The following SNRPN variants were observed in gnomAD, a reference collection of about 807,000 sequenced individuals.
SNRPN encodes small nuclear ribonucleoprotein-associated protein N.
A neutral mutation model predicts 25.2 loss-of-function variants in SNRPN; 7 were observed. The observed-to-expected ratio is 0.28, with a 90% CI of 0.16 to 0.52. SNRPN has a LOEUF of 0.52. SNRPN is among the 20% of genes least tolerant of loss of function. SNRPN has a pLI of 0.96. For missense variants in SNRPN, 196 were observed against 322.5 expected (o/e 0.61, Z 3.00); for synonymous variants, 124 against 110.6 (o/e 1.12, Z -0.76).
At chr15:24,928,566 T>C (rs1374303089) in intron 3 of SNRPN, among the ~76,000 whole-genome samples, 1 of 148,892 alleles carries the variant, frequency 6.7e-6, no homozygotes, top group African/African-American at 2.4e-5. Context: ...ATGGTCAGTA[T>C]CAAAAAAAAT....
intron 2 of SNRPN, among the ~76,000 whole-genome samples, chr15:24,962,427 C>G (rs376487577): frequency 6.6e-6 from 1 of 152,130 alleles, no homozygotes; most frequent in African/African-American, 2.4e-5. Context: ...TTTTCCTATA[C>G]GTGGGTAAGT....
intron 3 of SNRPN, among the ~76,000 whole-genome samples, chr15:24,936,892 A>G (rs746291102): frequency 6.6e-6 from 1 of 152,180 alleles, no homozygotes; most frequent in Non-Finnish European, 1.5e-5. Context: ...ACTTATTTTC[A>G]GTTATCAATG....
At chr15:24,911,204 G>C in intron 2 of SNRPN, 1 of 471,446 alleles carries the variant, frequency 2.1e-6, no homozygotes, top group Non-Finnish European at 3.6e-6. Flanking sequence ...TAAAGATTTG[G>C]AAAATTAACA....
intron 3 of SNRPN, chr15:24,968,773 T>C (rs1403368347): frequency 6.6e-6 from 1 of 152,218 alleles, no homozygotes; most frequent in Non-Finnish European, 1.5e-5. Context: ...TTAACCAATG[T>C]ATTTCCTCTT....
intron 1 of SNRPN, among the ~76,000 whole-genome samples, chr15:24,880,825 C>T (rs868463336): frequency 6.6e-6 from 1 of 151,976 alleles, no homozygotes; most frequent in African/African-American, 2.4e-5. Flanking sequence ...CTCACTGCAA[C>T]CTCTGTCATC....
chr15:24,978,515 G>C lies in SNRPN; in HGVS notation c.*71G>C. The C allele has an allele frequency of 7.2e-7, 1 of 1,386,030 alleles. No homozygotes were observed. The highest frequency in any genetic ancestry group is 1.0e-6 in the Non-Finnish European group (1 of 975,790). The allele number at this position is 1,386,030 out of a possible 1,614,324, so 85.9% of individuals were successfully genotyped here. On this transcript the variant is annotated 3_prime_UTR_variant, in exon 10 of 10. Coordinates refer to ENST00000390687, the MANE Select transcript of SNRPN (RefSeq NM_003097.6). Reference sequence around the variant, plus strand: ...TTGTGAAATTGTGTAGAGTGTTTGTGAGCTTTTTGTTCCCTCATTCTGCAT... The same window carrying C: ...TTGTGAAATTGTGTAGAGTGTTTGTCAGCTTTTTGTTCCCTCATTCTGCAT...
chr15:24,832,827 CG>C (rs1307027863), intron 2 of SNRPN, among the ~76,000 whole-genome samples: 1 of 151,866 alleles, frequency 6.6e-6, no homozygotes, highest in Non-Finnish European at 1.5e-5. Context: ...TGATGGAGGC[CG>C]GGCGCGGTGG....
intron 1 of SNRPN, among the ~76,000 whole-genome samples, chr15:24,864,047 G>A (rs1482638109): frequency 7.0e-6 from 1 of 141,942 alleles, no homozygotes; most frequent in Non-Finnish European, 1.5e-5. Flanking sequence ...TTTTTTTGGA[G>A]AGGGAGTCTC....
intron 3 of SNRPN, among the ~76,000 whole-genome samples, chr15:24,925,668 C>T (rs1174477742): frequency 1.3e-5 from 2 of 152,054 alleles, no homozygotes; most frequent in African/African-American, 4.8e-5. Flanking sequence ...TCACTACAGC[C>T]TCAATCTCCA....
intron 3 of SNRPN, among the ~76,000 whole-genome samples, chr15:24,949,573 C>G (rs1201008947): frequency 6.6e-6 from 1 of 152,096 alleles, no homozygotes; most frequent in Non-Finnish European, 1.5e-5. Context: ...ATTACTTGAG[C>G]CCAGGAGATG....
In SNRPN at chr15:24,915,422, G is replaced by A. The variant is rs552097811; in HGVS notation, c.-504-4589G>A. Among the ~76,000 whole-genome samples the A allele has an allele frequency of 4.6e-5, 7 of 152,196 alleles. No individual in the cohort carries two copies. The South Asian group carries it at 8.3e-4, about 18-fold the overall frequency. Reference sequence around the variant, plus strand: ...ATTATGGGGGTGAGCCACCTTGCCCGGCCGAGAAGAGAGTTCTTGATAAAC... The same window carrying A: ...ATTATGGGGGTGAGCCACCTTGCCCAGCCGAGAAGAGAGTTCTTGATAAAC... On this transcript the variant is annotated intron_variant, in intron 2 of 11. Transcript: ENST00000400097.
chr15:24,969,545 C>T (rs1228710463), intron 3 of SNRPN, among the ~76,000 whole-genome samples: 2 of 152,176 alleles, frequency 1.3e-5, no homozygotes, highest in Non-Finnish European at 2.9e-5. Flanking sequence ...TAATCATTGT[C>T]CAAAGCTTTT....
chr15:24,934,064 G>A (rs1442036082), intron 3 of SNRPN, among the ~76,000 whole-genome samples: 4 of 152,178 alleles, frequency 2.6e-5, no homozygotes, highest in African/African-American at 7.2e-5. Context: ...TTGGGAGGCC[G>A]AGGCGGGCGA....
In SNRPN at chr15:24,889,325, C is replaced by T. The variant is rs181953314; in HGVS notation, c.-505+2736C>T. ...TTTTTTTATTTTTTTATTTTTGAGA[C>T]GGAGTCTCATTCTGTCACCCAGACT... is the stretch of plus-strand genomic sequence containing the variant. On this transcript the variant is annotated intron_variant, in intron 2 of 11. Transcript: ENST00000400097. 5.7e-4 allele frequency among the ~76,000 whole-genome samples: 86 copies of T among 152,070 alleles called. 1 individual carries two copies. The East Asian group carries it at 0.013, about 23-fold the overall frequency.
chr15:24,957,674 T>C (rs1436728605), intron 1 of SNRPN, among the ~76,000 whole-genome samples: 1 of 152,254 alleles, frequency 6.6e-6, no homozygotes, highest in Non-Finnish European at 1.5e-5. Context: ...TGGAATAATC[T>C]ATTTTTGGGT....
intron 3 of SNRPN, among the ~76,000 whole-genome samples, chr15:24,949,398 C>G (rs2062095425): frequency 6.6e-6 from 1 of 152,008 alleles, no homozygotes; most frequent in Admixed American, 6.6e-5. Flanking sequence ...GTCTGCAATC[C>G]CAGTACTTTG....
intron 1 of SNRPN, among the ~76,000 whole-genome samples, chr15:24,824,156 G>C (rs1031877807): frequency 6.6e-6 from 1 of 152,066 alleles, no homozygotes; most frequent in South Asian, 2.1e-4. Flanking sequence ...GAGGGTCAGA[G>C]ACTTTCCTGA....
chr15:24,832,235 CTATG>C (rs149365575), intron 2 of SNRPN, among the ~76,000 whole-genome samples: 1,818 of 152,092 alleles, frequency 0.012, 46 homozygotes, highest in African/African-American at 0.042. Context: ...TTGCAATTGT[CTATG>C]TATGTCTTCA....
chr15:24,895,772 T>A (rs2058049541), intron 2 of SNRPN, among the ~76,000 whole-genome samples: 1 of 152,314 alleles, frequency 6.6e-6, no homozygotes, highest in Middle Eastern at 3.4e-3. Flanking sequence ...GAAGATAGAT[T>A]TGTTTACATC....
Sources: gnomAD v4.1 joint callset for allele counts (sites outside exome capture counted in the v4.1 genomes callset) on GRCh38, gnomAD v4.1.1 for gene constraint, MANE v1.5 for transcripts, NCBI Gene and HGNC (gene_info 2026-07-23, HGNC 2026-07-21) for gene names.